Variants in CGB1 observed in about 807,000 individuals in gnomAD.
CGB1 encodes the protein chorionic gonadotropin subunit beta 1.
CGB1 carries 4 observed loss-of-function variants against 7.0 expected under a neutral mutation model. The ratio of observed to expected loss-of-function variants is 0.57; its 90% CI spans 0.28 to 1.31. The LOEUF (loss-of-function observed/expected upper bound fraction) is 1.31. CGB1 is among the 50% of genes most tolerant of loss of function. The pLI, the probability that CGB1 is intolerant of heterozygous loss-of-function variation, is 0.10. For missense variants in CGB1, 139 were observed against 219.1 expected (o/e 0.63, Z 2.31); for synonymous variants, 72 against 96.4 (o/e 0.75, Z 1.48).
rs775492190 is a variant in CGB1, at chr19:49,036,723, A to C, written c.-12T>G. 1 of 1,613,890 alleles carries C rather than the reference A, an allele frequency of 6.2e-7. No homozygotes were observed. Among genetic ancestry groups the C allele is most frequent in the Admixed American group, 1.7e-5 (1 of 60,010 alleles). The stretch of plus-strand genomic sequence containing the variant: ...CCTACCTTTGACATGTCTCTCTCTT[A>C]GCGGGATATCTTCCGCAAGCACTGG... On this transcript the variant is annotated 5_prime_UTR_variant, in exon 1 of 3. Transcript: ENST00000301407.
In CGB1 at chr19:49,036,781, G is replaced by C. The variant is rs1600224353; in HGVS notation, c.-70C>G. The C allele has an allele frequency of 1.9e-6, 3 of 1,609,370 alleles. No homozygotes were observed. In the South Asian group the frequency reaches 3.3e-5, roughly 18 times the overall value. ...GACATGGAAAGTAAATTGAGTCTCCGTGGGGGAGTGAGACAGGGAGTGAGG... is the reference window on the plus strand; with the variant it reads ...GACATGGAAAGTAAATTGAGTCTCCCTGGGGGAGTGAGACAGGGAGTGAGG... On this transcript the variant is annotated 5_prime_UTR_variant, in exon 1 of 3. Transcript: ENST00000301407.
chr19:49,036,885 CCT>C lies in CGB1; in HGVS notation c.-176_-175del. ...CTCTCTCTCAGATGCAGTTCCCCTT[CCT>C]CCCTCCAGGGGGCGCCACGGAACGC... On this transcript the variant is annotated 5_prime_UTR_variant, in exon 1 of 3. Transcript: ENST00000301407. The C allele has an allele frequency of 4.5e-6, 4 of 894,130 alleles. No individual in the cohort carries two copies. The highest frequency in any genetic ancestry group is 5.3e-6 in the Non-Finnish European group (3 of 567,524). The allele number at this position is 894,130 out of a possible 1,614,324, so 55.4% of individuals were successfully genotyped here.
chr19:49,035,588 A>T lies in CGB1; in HGVS notation c.*22T>A, dbSNP rs759624854. On this transcript the variant is annotated 3_prime_UTR_variant, in exon 3 of 3. Transcript: ENST00000301407. ...CCAGAGTGCGGATTGAGAAGCCTTT[A>T]TTGTGGGAGGATCGGGGTGTCCTAG... The T allele has an allele frequency of 6.2e-7, 1 of 1,611,846 alleles. No homozygotes were observed. The highest frequency in any genetic ancestry group is 8.5e-7 in the Non-Finnish European group (1 of 1,179,890).
At position 49,036,801 on chromosome 19, in the gene CGB1, G is replaced by C; in HGVS notation, c.-90C>G. On this transcript the variant is annotated 5_prime_UTR_variant, in exon 1 of 3. Coordinates refer to ENST00000301407, the MANE Select transcript of CGB1 (RefSeq NM_033377.2). ...TCTCCGTGGGGGAGTGAGACAGGGA[G>C]TGAGGGGTGTTGGACGCGGCACGGG... 1 of 1,595,248 alleles carries C rather than the reference G, an allele frequency of 6.3e-7. No homozygotes were observed. Among genetic ancestry groups the C allele is most frequent in the South Asian group, 1.1e-5 (1 of 90,718 alleles).
chr19:49,036,780 C>G lies in CGB1; in HGVS notation c.-69G>C. ...GGACATGGAAAGTAAATTGAGTCTC[C>G]GTGGGGGAGTGAGACAGGGAGTGAG... On this transcript the variant is annotated 5_prime_UTR_variant, in exon 1 of 3. Transcript: ENST00000301407. The G allele has an allele frequency of 6.2e-7, 1 of 1,610,616 alleles. No homozygotes were observed. The highest frequency in any genetic ancestry group is 8.5e-7 in the Non-Finnish European group (1 of 1,177,088).
rs749776099 is a variant in CGB1, at chr19:49,035,733, G to A, written c.345C>T (p.Thr115=). 10 of 1,608,468 alleles carry A rather than the reference G, an allele frequency of 6.2e-6. No individual in the cohort carries two copies. Among genetic ancestry groups the A allele is most frequent in the Middle Eastern group, 2.3e-4 (1 of 4,444 alleles). Reference sequence around the variant, plus strand: ...GGTCCTTGGGACCCCCGCAGTCAGTGGTGCTGCGGCGGCAGAGTGCACATT... The same window carrying A: ...GGTCCTTGGGACCCCCGCAGTCAGTAGTGCTGCGGCGGCAGAGTGCACATT... ...SCQCALCRRS[T]TDCGGPKDHP... The change falls in exon 3 of 3, where the codon ACC becomes ACT. Residue 115 remains threonine (T), a synonymous_variant. Coordinates refer to ENST00000301407, the MANE Select transcript of CGB1 (RefSeq NM_033377.2).
intron 1 of CGB1, 95 bp from the exon 2 acceptor site, chr19:49,036,398 A>T (rs2039819099): frequency 1.2e-6 from 2 of 1,600,894 alleles, no homozygotes; most frequent in Non-Finnish European, 1.7e-6. Flanking sequence ...AAAGACCCAG[A>T]GACCCTTCCC....
Position 49,036,698 on chromosome 19 carries a change from C to T in CGB1, c.9+5G>A. 1 of 1,613,940 alleles carries T rather than the reference C, an allele frequency of 6.2e-7. No homozygotes were observed. The highest frequency in any genetic ancestry group is 1.3e-5 in the African/African-American group (1 of 75,030). The stretch of plus-strand genomic sequence containing the variant: ...TTGGTGCCCGGAAATGTGGATCTAC[C>T]CTACCTTTGACATGTCTCTCTCTTA... On this transcript the variant is annotated splice_donor_5th_base_variant and intron_variant, in intron 1 of 2. Coordinates refer to ENST00000301407, the MANE Select transcript of CGB1 (RefSeq NM_033377.2).
In CGB1 at chr19:49,036,837, G is replaced by C; in HGVS notation, c.-126C>G. ...TGGACGCGGCACGGGAACCTGGCCA[G>C]AGTCAGCGGACCCAATTGGCTGCTC... On this transcript the variant is annotated 5_prime_UTR_variant, in exon 1 of 3. Coordinates refer to ENST00000301407, the MANE Select transcript of CGB1 (RefSeq NM_033377.2). The C allele has an allele frequency of 1.5e-6, 2 of 1,359,458 alleles. No individual in the cohort carries two copies. Among genetic ancestry groups the C allele is most frequent in the Non-Finnish European group, 1.0e-6 (1 of 955,442 alleles). The allele number at this position is 1,359,458 out of a possible 1,614,324, so 84.2% of individuals were successfully genotyped here.
In CGB1 at chr19:49,036,703, C is replaced by G. The variant is rs781245225; in HGVS notation, c.9G>C (p.Lys3Asn). ...GCCCGGAAATGTGGATCTACCCTAC[C>G]TTTGACATGTCTCTCTCTTAGCGGG... Reference protein sequence around the residue: MSKRLLLLLLLSM... With the variant: MSNRLLLLLLLSM... Residue 3 changes from lysine to asparagine, a missense_variant and splice_region_variant, in exon 1 of 3, where the codon AAG becomes AAC. This residue lies in a region of CGB1 where 24 missense variants were observed against 23.9 expected (regional missense o/e 1.00). Coordinates refer to ENST00000301407, the MANE Select transcript of CGB1 (RefSeq NM_033377.2). 6.2e-7 allele frequency: 1 copy of G among 1,613,956 alleles called. No individual in the cohort carries two copies.
chr19:49,036,798 G>C lies in CGB1; in HGVS notation c.-87C>G. 1.3e-6 allele frequency: 2 copies of C among 1,597,682 alleles called. No homozygotes were observed. Among genetic ancestry groups the C allele is most frequent in the East Asian group, 2.2e-5 (1 of 44,740 alleles). ...GAGTCTCCGTGGGGGAGTGAGACAGGGAGTGAGGGGTGTTGGACGCGGCAC... is the reference window on the plus strand; with the variant it reads ...GAGTCTCCGTGGGGGAGTGAGACAGCGAGTGAGGGGTGTTGGACGCGGCAC... On this transcript the variant is annotated 5_prime_UTR_variant, in exon 1 of 3. Coordinates refer to ENST00000301407, the MANE Select transcript of CGB1 (RefSeq NM_033377.2).
Position 49,036,688 on chromosome 19 carries a change from G to A in CGB1, c.9+15C>T. On this transcript the variant is annotated intron_variant, in intron 1 of 2. Transcript: ENST00000301407. Reference sequence around the variant, plus strand: ...ATCTCCATCTTTGGTGCCCGGAAATGTGGATCTACCCTACCTTTGACATGT... The same window carrying A: ...ATCTCCATCTTTGGTGCCCGGAAATATGGATCTACCCTACCTTTGACATGT... The A allele has an allele frequency of 6.2e-7, 1 of 1,613,942 alleles. No homozygotes were observed. Among genetic ancestry groups the A allele is most frequent in the Non-Finnish European group, 8.5e-7 (1 of 1,179,848 alleles).
Position 49,035,571 on chromosome 19 carries a change from C to A in CGB1, c.*39G>T, listed in dbSNP as rs367968985. ...CCCACAGAAAGACACCTCCAGAGTGCGGATTGAGAAGCCTTTATTGTGGGA... is the reference window on the plus strand; with the variant it reads ...CCCACAGAAAGACACCTCCAGAGTGAGGATTGAGAAGCCTTTATTGTGGGA... On this transcript the variant is annotated 3_prime_UTR_variant, in exon 3 of 3. Transcript: ENST00000301407. 1.9e-6 allele frequency: 3 copies of A among 1,611,940 alleles called. No individual in the cohort carries two copies. The South Asian group carries it at 3.3e-5, about 18-fold the overall frequency.
In CGB1 at chr19:49,036,295, C is replaced by T. The variant is rs1332430658; in HGVS notation, c.18G>A (p.Leu6=). The change falls in exon 2 of 3, where the codon CTG becomes CTA. Residue 6 remains leucine (L), a synonymous_variant. Transcript: ENST00000301407. MSKRL[L]LLLLLSMGGT... ...CGCCCATGCTCAGCAGCAGCAACAG[C>T]AGCAGCCTCTGGGGCAAGGACACTG... 2.5e-6 allele frequency: 4 copies of T among 1,605,906 alleles called. No individual in the cohort carries two copies. Among genetic ancestry groups the T allele is most frequent in the Non-Finnish European group, 2.5e-6 (3 of 1,179,542 alleles).
chr19:49,036,769 A>T lies in CGB1; in HGVS notation c.-58T>A. ...ACTGGGAATGTGGACATGGAAAGTA[A>T]ATTGAGTCTCCGTGGGGGAGTGAGA... On this transcript the variant is annotated 5_prime_UTR_variant, in exon 1 of 3. Transcript: ENST00000301407. The T allele has an allele frequency of 6.2e-7, 1 of 1,612,840 alleles. No individual in the cohort carries two copies. The highest frequency in any genetic ancestry group is 8.5e-7 in the Non-Finnish European group (1 of 1,178,932).
chr19:49,035,639 G>A lies in CGB1; in HGVS notation c.439C>T (p.Pro147Ser). Residue 147 changes from proline to serine, a missense_variant, in exon 3 of 3, where the codon CCA becomes TCA. Physicochemically the swap from Pro to Ser is moderately conservative, Grantham distance 74. Transcript: ENST00000301407. ...GGCCCCGGGAGACGGGATGGACTTG[G>A]AAGGCTGGGGGGAGGGGCCTTTGAG... ...SSSKAPPPSL[P>S]SPSRLPGP The A allele has an allele frequency of 1.2e-6, 2 of 1,611,412 alleles. No homozygotes were observed. The highest frequency in any genetic ancestry group is 1.7e-6 in the Non-Finnish European group (2 of 1,179,902).
Position 49,035,889 on chromosome 19 carries a change from C to A in CGB1, c.189G>T (p.Leu63=). The A allele has an allele frequency of 7.2e-7, 1 of 1,388,622 alleles. No homozygotes were observed. The allele number at this position is 1,388,622 out of a possible 1,614,324, so 86.0% of individuals were successfully genotyped here. The change falls in exon 3 of 3, where the codon CTG becomes CTT. Residue 63 remains leucine (L), a synonymous_variant. Coordinates refer to ENST00000301407, the MANE Select transcript of CGB1 (RefSeq NM_033377.2). The part of the protein sequence containing the change: ...AGYCPTMTRV[L]QGVLPALPQV... ...GAGGCAGGGCCGGCAGGACCCCCTG[C>A]AGCACGCGGGTCTGGAAGCCGTGTG...
chr19:49,036,368 C>A, intron 1 of CGB1, 65 bp from the exon 2 acceptor site: 1 of 1,601,814 alleles, frequency 6.2e-7, no homozygotes, highest in African/African-American at 1.3e-5. Context: ...CCTTCCCATC[C>A]CGCATGGTAC....
chr19:49,036,855 G>A lies in CGB1; in HGVS notation c.-144C>T. On this transcript the variant is annotated 5_prime_UTR_variant, in exon 1 of 3. Transcript: ENST00000301407. The stretch of plus-strand genomic sequence containing the variant: ...CTGGCCAGAGTCAGCGGACCCAATT[G>A]GCTGCTCTCTCTCAGATGCAGTTCC... 3.4e-6 allele frequency: 4 copies of A among 1,193,790 alleles called. No homozygotes were observed. The highest frequency in any genetic ancestry group is 3.7e-6 in the Non-Finnish European group (3 of 813,580). The allele number at this position is 1,193,790 out of a possible 1,614,324, so 73.9% of individuals were successfully genotyped here. A position where few individuals can be genotyped will look rare whatever the true frequency, so the allele number is the denominator to read the frequency against.
Sources: allele counts gnomAD v4.1 joint callset, GRCh38; gene constraint gnomAD v4.1.1; regional missense constraint gnomAD v4.1.1; transcripts MANE v1.5; gene names NCBI Gene and HGNC (gene_info 2026-07-23, HGNC 2026-07-21).